The following TMEM131 variants were observed in gnomAD, a reference collection of about 807,000 sequenced individuals.
TMEM131 encodes the protein 2610524E03Rik.
A neutral mutation model predicts 211.6 loss-of-function variants in TMEM131; 66 were observed. The observed-to-expected ratio is 0.31, with a 90% CI of 0.26 to 0.38. The LOEUF (loss-of-function observed/expected upper bound fraction) is 0.38. Among genes scored for constraint, TMEM131 ranks in the 10% least tolerant of loss-of-function variants. TMEM131 has a pLI of 1.00. For synonymous variants in TMEM131, 844 were observed against 841.3 expected, an observed-to-expected ratio of 1.00 and a Z score of -0.06; for missense variants, 2,036 against 2,299.3, an observed-to-expected ratio of 0.89 and a Z score of 2.34.
At chr2:97,910,726 G>A (rs1183129271) in intron 2 of TMEM131, among the ~76,000 whole-genome samples, 1 of 151,370 alleles carries the variant, frequency 6.6e-6, no homozygotes, top group Non-Finnish European at 1.5e-5. Context: ...GTGATGATGA[G>A]TTTTTTTTTC....
intron 2 of TMEM131, among the ~76,000 whole-genome samples, chr2:97,918,634 T>C (rs1053063427): frequency 6.6e-6 from 1 of 150,950 alleles, no homozygotes; most frequent in Admixed American, 6.6e-5. Flanking sequence ...AAAAGGCGGG[T>C]GGGGGAAATA....
chr2:97,864,211 T>A (rs1179547088), intron 4 of TMEM131, among the ~76,000 whole-genome samples: 1 of 152,048 alleles, frequency 6.6e-6, no homozygotes, highest in South Asian at 2.1e-4. Context: ...AGTAGGAGGA[T>A]GGTTACCAGA....
chr2:97,937,178 T>C (rs933789297), intron 1 of TMEM131, among the ~76,000 whole-genome samples: 10 of 151,980 alleles, frequency 6.6e-5, no homozygotes, highest in African/African-American at 2.4e-4. Flanking sequence ...AAAACTAAAG[T>C]ATGAGAACAA....
Position 97,927,407 on chromosome 2 carries a change from C to G in TMEM131, c.249+19G>C, listed in dbSNP as rs1677036574. On this transcript the variant is annotated intron_variant, in intron 2 of 40. Transcript: ENST00000186436. ...TATTCAAGGCTTAACAATAACTTGT[C>G]TACTTAAAAAAAAATTACCTGTAGT... is the stretch of plus-strand genomic sequence containing the variant. The G allele has an allele frequency of 6.4e-7, 1 of 1,570,300 alleles. No individual in the cohort carries two copies. Among genetic ancestry groups the G allele is most frequent in the African/African-American group, 1.4e-5 (1 of 73,194 alleles).
At chr2:97,898,402 A>G (rs1675707951) in intron 3 of TMEM131, among the ~76,000 whole-genome samples, 1 of 152,084 alleles carries the variant, frequency 6.6e-6, no homozygotes, top group African/African-American at 2.4e-5. Flanking sequence ...CCTAATCCCC[A>G]CTATGACTAT....
chr2:97,811,210 A>C lies in TMEM131; in HGVS notation c.1886T>G (p.Phe629Cys). The change falls in exon 18 of 41, where the codon TTT (phenylalanine) becomes TGT (cysteine). Residue 629 changes from phenylalanine to cysteine, a missense_variant. Phe to Cys is a radical substitution (Grantham distance 205). Around this residue, in one of 3 missense-constraint regions of TMEM131, gnomAD observed 1,623 missense variants for 1,805.9 expected, o/e 0.90. Transcript: ENST00000186436. ...QSSVTLASGY[F>C]AVFRVKLTAK... ...AGTAAGTTTGACTCTGAAGACTGCA[A>C]AATAGCCTGAAGCTAATGTTACCTG... 1 of 1,613,606 alleles carries C rather than the reference A, an allele frequency of 6.2e-7. No homozygotes were observed. Among genetic ancestry groups the C allele is most frequent in the Non-Finnish European group, 8.5e-7 (1 of 1,179,606 alleles).
At chr2:97,846,535 T>C (rs1394700229) in intron 5 of TMEM131, among the ~76,000 whole-genome samples, 2 of 152,126 alleles carry the variant, frequency 1.3e-5, no homozygotes, top group East Asian at 3.9e-4. Flanking sequence ...GAGAACTCCC[T>C]CAATATTATA....
chr2:97,866,085 C>T (rs1271992998), intron 4 of TMEM131, among the ~76,000 whole-genome samples: 3 of 152,136 alleles, frequency 2.0e-5, no homozygotes, highest in African/African-American at 4.8e-5. Context: ...GGGGTTTCAC[C>T]GTTAGCCAGG....
intron 32 of TMEM131, among the ~76,000 whole-genome samples, chr2:97,773,204 C>T (rs1395740358): frequency 2.0e-5 from 3 of 152,200 alleles, no homozygotes; most frequent in Non-Finnish European, 2.9e-5. Context: ...GGCAGGGTTC[C>T]GGCTGGTTTA....
chr2:97,986,766 G>C (rs1680044267), intron 1 of TMEM131, among the ~76,000 whole-genome samples: 1 of 152,172 alleles, frequency 6.6e-6, no homozygotes, highest in Non-Finnish European at 1.5e-5. Flanking sequence ...TACTTCAGAT[G>C]AGCCCATGTC....
chr2:97,814,757 T>C (rs17022726), intron 13 of TMEM131, among the ~76,000 whole-genome samples: 3,831 of 152,270 alleles, frequency 0.025, 168 homozygotes, highest in African/African-American at 0.088. Context: ...TAAAGTACAA[T>C]AGAAAATGAA....
At chr2:97,864,702 G>GT (rs1444091724) in intron 4 of TMEM131, among the ~76,000 whole-genome samples, 4 of 152,202 alleles carry the variant, frequency 2.6e-5, no homozygotes, top group Non-Finnish European at 5.9e-5. Context: ...CCAAAAAACA[G>GT]TGAGAAGCCC....
chr2:97,813,903 C>T (rs1402207702), intron 15 of TMEM131, 68 bp downstream of exon 15: 8 of 1,253,736 alleles, frequency 6.4e-6, no homozygotes, highest in Non-Finnish European at 8.7e-6. Context: ...ACACGACTGC[C>T]TAATAAGATC....
intron 12 of TMEM131, among the ~76,000 whole-genome samples, chr2:97,817,311 G>A (rs1420292822): frequency 6.6e-6 from 1 of 152,114 alleles, no homozygotes; most frequent in Non-Finnish European, 1.5e-5. Flanking sequence ...ATCCTGGCTG[G>A]GTGCAGTGCC....
At chr2:97,855,977 T>C (rs1162721241) in intron 5 of TMEM131, among the ~76,000 whole-genome samples, 2 of 152,212 alleles carry the variant, frequency 1.3e-5, no homozygotes. Context: ...TTAAGTATAC[T>C]GAAATAAGTG....
intron 31 of TMEM131, among the ~76,000 whole-genome samples, chr2:97,790,236 A>T (rs1341473752): frequency 6.6e-6 from 1 of 152,200 alleles, no homozygotes; most frequent in East Asian, 1.9e-4. Flanking sequence ...CAACCCCAAG[A>T]TCAATGCCCA....
chr2:97,971,781 G>C (rs963415996), intron 1 of TMEM131, among the ~76,000 whole-genome samples: 32 of 152,184 alleles, frequency 2.1e-4, no homozygotes, highest in African/African-American at 5.5e-4. Context: ...AGGATTGCTT[G>C]AGCCCCAGAG....
intron 2 of TMEM131, among the ~76,000 whole-genome samples, chr2:97,914,168 A>T (rs1676407131): frequency 6.6e-6 from 1 of 152,222 alleles, no homozygotes; most frequent in Non-Finnish European, 1.5e-5. Flanking sequence ...CTGACTTTCT[A>T]ATTGTTTTGC....
chr2:97,832,252 C>T lies in TMEM131; in HGVS notation c.1074+1113G>A, dbSNP rs1288632914. On this transcript the variant is annotated intron_variant, in intron 11 of 40. Coordinates refer to ENST00000186436, the MANE Select transcript of TMEM131 (RefSeq NM_015348.2). ...GTGACCTGAGTACTAGTTCTTCATT[C>T]ACATTCTTAGGGTTAATTGCCAATT... Among the ~76,000 whole-genome samples, 3 of 152,296 alleles carry T rather than the reference C, an allele frequency of 2.0e-5. No homozygotes were observed. In the East Asian group the frequency reaches 5.8e-4, roughly 29 times the overall value.
Sources: gnomAD v4.1 joint callset for allele counts (sites outside exome capture counted in the v4.1 genomes callset) on GRCh38, gnomAD v4.1.1 for gene constraint, gnomAD v4.1.1 regional missense constraint, MANE v1.5 for transcripts, NCBI Gene and HGNC (gene_info 2026-07-23, HGNC 2026-07-21) for gene names.